MEGF10: variants seen among roughly 807,000 people sequenced by gnomAD.
MEGF10 encodes multiple EGF like domains 10, also known as multiple epidermal growth factor-like domains protein 10.
In MEGF10, 86 loss-of-function variants were observed where a neutral mutation model predicts 147.5. That is an observed-to-expected ratio of 0.58 (90% CI 0.49 to 0.70). MEGF10 has a LOEUF of 0.70. MEGF10 is among the 30% of genes least tolerant of loss of function. The pLI is 0.00. For missense variants in MEGF10, 1,329 were observed against 1,487.3 expected (o/e 0.89, Z 1.75); for synonymous variants, 478 against 525.5 (o/e 0.91, Z 1.24).
intron 2 of MEGF10, among the ~76,000 whole-genome samples, chr5:127,333,704 A>T (rs1361985000): frequency 6.6e-6 from 1 of 152,158 alleles, no homozygotes; most frequent in Non-Finnish European, 1.5e-5. Context: ...ACTGCCTTGC[A>T]TGTGGCATGT....
intron 5 of MEGF10, among the ~76,000 whole-genome samples, chr5:127,373,407 C>A (rs1171228048): frequency 2.6e-5 from 4 of 152,214 alleles, no homozygotes; most frequent in Middle Eastern, 3.2e-3. Flanking sequence ...CCACCTCGGC[C>A]TCCCAAAATG....
chr5:127,335,450 G>T (rs957170190), intron 2 of MEGF10, among the ~76,000 whole-genome samples: 1 of 152,178 alleles, frequency 6.6e-6, no homozygotes, highest in Non-Finnish European at 1.5e-5. Context: ...CTAAGCACTG[G>T]CCATAGTGGC....
At chr5:127,244,518 T>G in the MEGF10 span, among the ~76,000 whole-genome samples, 1 of 152,088 alleles carries the variant, frequency 6.6e-6, no homozygotes, top group Non-Finnish European at 1.5e-5. Context: ...AGAGAAAGCT[T>G]ACTGAAGACT....
rs760851091 is a variant in MEGF10 at position 127,445,613 on chromosome 5, A to G, written c.2648A>G (p.Gln883Arg). ...LALFIIYRHK[Q>R]KGKESSMPAV... is the part of the protein sequence containing the mutation. ...TTGTTCATTATTTATAGACACAAGC[A>G]GAAGGGAAAGGAATCAAGCATGCCA... The change falls in exon 20 of 25, where the codon CAG (glutamine) becomes CGG (arginine). Residue 883 changes from glutamine (Q) to arginine (R), a missense_variant. Gln to Arg is a conservative substitution (Grantham distance 43). Around this residue, in one of 3 missense-constraint regions of MEGF10, gnomAD observed 343 missense variants for 377.9 expected, o/e 0.91. Coordinates refer to ENST00000503335, the MANE Select transcript of MEGF10 (RefSeq NM_001256545.2). The G allele has an allele frequency of 1.2e-6, 2 of 1,614,108 alleles. No homozygotes were observed. The highest frequency in any genetic ancestry group is 1.1e-5 in the South Asian group (1 of 91,060).
At chr5:127,390,985 G>T (rs1372288012) in intron 5 of MEGF10, among the ~76,000 whole-genome samples, 2 of 152,012 alleles carry the variant, frequency 1.3e-5, no homozygotes, top group Non-Finnish European at 2.9e-5. Flanking sequence ...ACGATGCTTG[G>T]AACAGTGTCT....
At chr5:127,356,404 A>C (rs1208461571) in intron 4 of MEGF10, among the ~76,000 whole-genome samples, 4 of 152,190 alleles carry the variant, frequency 2.6e-5, no homozygotes, top group African/African-American at 9.6e-5. Context: ...AATTCTAAAA[A>C]AGGCTGGAAA....
At chr5:127,452,660 A>T (rs1766198163) in intron 22 of MEGF10, among the ~76,000 whole-genome samples, 1 of 152,110 alleles carries the variant, frequency 6.6e-6, no homozygotes, top group Non-Finnish European at 1.5e-5. Context: ...TGGAGATGAT[A>T]CCATATGGCC....
rs1766396071 is a variant in MEGF10 at position 127,457,214 on chromosome 5, A to G, written c.3319A>G (p.Ile1107Val). 1.2e-6 allele frequency: 2 copies of G among 1,614,196 alleles called. No individual in the cohort carries two copies. Among genetic ancestry groups the G allele is most frequent in the South Asian group, 1.1e-5 (1 of 91,084 alleles). The stretch of plus-strand genomic sequence containing the variant: ...ATATGACCTCCCAAAGAACAGTCAC[A>G]TCCCTTGTCATTATGACCTGCTGCC... ...DPYDLPKNSHIPCHYDLLPVR... is the reference protein window; with the variant it reads ...DPYDLPKNSHVPCHYDLLPVR... The change falls in exon 25 of 25, where the codon ATC (isoleucine) becomes GTC (valine). Residue 1107 changes from isoleucine to valine, a missense_variant. Transcript: ENST00000503335.
intron 16 of MEGF10, among the ~76,000 whole-genome samples, chr5:127,436,554 G>T (rs553922366): frequency 2.0e-5 from 3 of 152,306 alleles, no homozygotes; most frequent in African/African-American, 7.2e-5. Flanking sequence ...TGGGCGTATG[G>T]GTTTGGGAAG....
intron 1 of MEGF10, 102 bp from the exon 2 acceptor site, chr5:127,331,189 T>G: frequency 1.5e-6 from 1 of 645,396 alleles, no homozygotes; most frequent in South Asian, 1.9e-5. Context: ...TATGCACATT[T>G]CAGCCCCACT....
chr5:127,253,483 T>C, the MEGF10 span, among the ~76,000 whole-genome samples: 1 of 151,978 alleles, frequency 6.6e-6, no homozygotes, highest in African/African-American at 2.4e-5. Flanking sequence ...AAAAGAAATG[T>C]CATATACATT....
At chr5:127,240,783 G>A in the MEGF10 span, among the ~76,000 whole-genome samples, 24 of 152,292 alleles carry the variant, frequency 1.6e-4, no homozygotes, top group African/African-American at 5.8e-4. Context: ...GGAGGATGTT[G>A]TCAAATAAAC....
the MEGF10 span, among the ~76,000 whole-genome samples, chr5:127,231,960 T>G: frequency 6.6e-6 from 1 of 152,206 alleles, no homozygotes; most frequent in African/African-American, 2.4e-5. Flanking sequence ...GAATATTTCT[T>G]GATTTATCCA....
chr5:127,292,715 T>A (rs1759316801), intron 1 of MEGF10, among the ~76,000 whole-genome samples: 1 of 152,220 alleles, frequency 6.6e-6, no homozygotes, highest in Admixed American at 6.5e-5. Flanking sequence ...AGGTGGGAAA[T>A]CTACACTCAG....
At chr5:127,375,346 GT>G (rs1330326601) in intron 5 of MEGF10, among the ~76,000 whole-genome samples, 51 of 152,284 alleles carry the variant, frequency 3.3e-4, no homozygotes, top group Admixed American at 2.7e-3. Context: ...TGAGGGAAGG[GT>G]TCCTGCCTGT....
At chr5:127,406,903 C>T (rs1394841629) in intron 8 of MEGF10, among the ~76,000 whole-genome samples, 2 of 152,092 alleles carry the variant, frequency 1.3e-5, no homozygotes, top group East Asian at 1.9e-4. Flanking sequence ...CTGGGCCCTG[C>T]GACAGCCTAT....
chr5:127,246,885 A>G, the MEGF10 span, among the ~76,000 whole-genome samples: 5 of 144,150 alleles, frequency 3.5e-5, no homozygotes, highest in Non-Finnish European at 7.5e-5. Context: ...AATAGTATAT[A>G]TTATACAATA....
chr5:127,445,541 T>C lies in MEGF10; in HGVS notation c.2576T>C (p.Ile859Thr), dbSNP rs895294556. The change falls in exon 20 of 25, where the codon ATT (isoleucine) becomes ACT (threonine). Residue 859 changes from isoleucine to threonine, a missense_variant. Physicochemically the swap from Ile to Thr is moderately conservative, Grantham distance 89. Coordinates refer to ENST00000503335, the MANE Select transcript of MEGF10 (RefSeq NM_001256545.2). ...LPADSYQIGAIAGIIILVLVV... is the reference protein window; with the variant it reads ...LPADSYQIGATAGIIILVLVV... ...GCTGATTCCTACCAGATCGGGGCCA[T>C]TGCAGGCATCATCATTCTTGTCCTA... The C allele has an allele frequency of 3.1e-6, 5 of 1,614,008 alleles. No individual in the cohort carries two copies. Among genetic ancestry groups the C allele is most frequent in the African/African-American group, 1.3e-5 (1 of 74,920 alleles).
intron 1 of MEGF10, among the ~76,000 whole-genome samples, chr5:127,319,818 G>A (rs1046852842): frequency 6.6e-6 from 1 of 152,184 alleles, no homozygotes; most frequent in Non-Finnish European, 1.5e-5. Flanking sequence ...AGTGGCATCA[G>A]CCACAGAAAG....
Sources: gnomAD v4.1 joint callset for allele counts (sites outside exome capture counted in the v4.1 genomes callset) on GRCh38, gnomAD v4.1.1 for gene constraint, gnomAD v4.1.1 regional missense constraint, MANE v1.5 for transcripts, NCBI Gene and HGNC (gene_info 2026-07-23, HGNC 2026-07-21) for gene names.